The following MVB12B variants were observed in gnomAD, a reference collection of about 807,000 sequenced individuals.
The protein encoded by MVB12B is ESCRT-I complex subunit MVB12B.
A neutral mutation model predicts 41.6 loss-of-function variants in MVB12B; 16 were observed. That is an observed-to-expected ratio of 0.38 (90% confidence interval 0.26 to 0.58). The LOEUF (loss-of-function observed/expected upper bound fraction) is 0.58, where lower values mean the gene tolerates loss of function less well. MVB12B is among the 20% of genes least tolerant of loss of function. The pLI, the probability that MVB12B is intolerant of heterozygous loss-of-function variation, is 0.62. For synonymous variants in MVB12B, 133 were observed against 139.7 expected (o/e 0.95, Z 0.34); for missense variants, 274 against 380.2 (o/e 0.72, Z 2.32).
intron 2 of MVB12B, among the ~76,000 whole-genome samples, chr9:126,370,158 T>C (rs1001752811): frequency 6.6e-6 from 1 of 152,188 alleles, no homozygotes; most frequent in African/African-American, 2.4e-5. Flanking sequence ...TTTGTCTTTA[T>C]GCTAAGGATT....
At chr9:126,427,449 G>A (rs185033256) in intron 7 of MVB12B, among the ~76,000 whole-genome samples, 1 of 152,232 alleles carries the variant, frequency 6.6e-6, no homozygotes, top group East Asian at 1.9e-4. Flanking sequence ...GGAGAGCACA[G>A]TGCGGCTTTT....
intron 7 of MVB12B, among the ~76,000 whole-genome samples, chr9:126,424,405 G>A (rs1832112219): frequency 6.6e-6 from 1 of 152,130 alleles, no homozygotes; most frequent in Admixed American, 6.6e-5. Context: ...TCATGATGTG[G>A]TCATGGAAGG....
chr9:126,447,027 C>T (rs1832789491), intron 7 of MVB12B, among the ~76,000 whole-genome samples: 2 of 149,550 alleles, frequency 1.3e-5, no homozygotes, highest in African/African-American at 4.9e-5. Context: ...TCACTGCAAC[C>T]GCCGCCTCCC....
At chr9:126,497,406 T>C (rs1833860366) in intron 9 of MVB12B, among the ~76,000 whole-genome samples, 1 of 151,984 alleles carries the variant, frequency 6.6e-6, no homozygotes, top group African/African-American at 2.4e-5. Context: ...CGCCCCGCAG[T>C]GTGGTCATTG....
intron 7 of MVB12B, among the ~76,000 whole-genome samples, chr9:126,434,985 G>T (rs1343235120): frequency 6.6e-6 from 1 of 152,160 alleles, no homozygotes; most frequent in Non-Finnish European, 1.5e-5. Flanking sequence ...CGTTGATTCT[G>T]AGAGGACCTG....
chr9:126,416,506 G>A (rs555712706), intron 6 of MVB12B, among the ~76,000 whole-genome samples: 19 of 152,318 alleles, frequency 1.2e-4, no homozygotes, highest in Admixed American at 4.6e-4. Context: ...GCTAGTGAGC[G>A]GCAGAGATGT....
chr9:126,445,138 G>A (rs1373247359), intron 7 of MVB12B, among the ~76,000 whole-genome samples: 1 of 152,080 alleles, frequency 6.6e-6, no homozygotes, highest in Non-Finnish European at 1.5e-5. Flanking sequence ...TCAATTTGGG[G>A]AGAGTGGTCA....
chr9:126,337,054 G>A (rs1829304610), intron 1 of MVB12B, among the ~76,000 whole-genome samples: 2 of 152,198 alleles, frequency 1.3e-5, no homozygotes, highest in South Asian at 2.1e-4. Context: ...CTATAGTTCT[G>A]AAAAATTTCA....
chr9:126,483,898 T>C (rs2286886), intron 8 of MVB12B, 75 bp from the exon 9 acceptor site: 662,880 of 1,479,746 alleles, frequency 0.45, 152,546 homozygotes, highest in East Asian at 0.71. Flanking sequence ...GGTGTTACCA[T>C]TGTCATGCAT....
intron 7 of MVB12B, among the ~76,000 whole-genome samples, chr9:126,440,309 A>G (rs1832599367): frequency 6.6e-6 from 1 of 152,174 alleles, no homozygotes; most frequent in African/African-American, 2.4e-5. Flanking sequence ...AGGTTATTTG[A>G]GAGGCGCTGA....
At position 126,505,504 on chromosome 9, in the gene MVB12B, T is replaced by G. The variant is rs1320020984; in HGVS notation, c.*2241T>G. 6.6e-6 allele frequency: 1 copy of G among 152,078 alleles called. No individual in the cohort carries two copies. Among genetic ancestry groups the G allele is most frequent in the African/African-American group, 2.4e-5 (1 of 41,378 alleles). The allele number at this position is 152,078 out of a possible 1,614,324, so 9.4% of individuals were successfully genotyped here. A position where few individuals can be genotyped will look rare whatever the true frequency, so the allele number is the denominator to read the frequency against. On this transcript the variant is annotated 3_prime_UTR_variant, in exon 10 of 10. Coordinates refer to ENST00000361171, the MANE Select transcript of MVB12B (RefSeq NM_033446.3). ...TAGCATTACGGACTTAGCATAAGAG[T>G]AAATGACTGTGAACGTTGTAGTAAA...
chr9:126,355,657 A>G (rs1829861785), intron 2 of MVB12B, among the ~76,000 whole-genome samples: 2 of 152,218 alleles, frequency 1.3e-5, no homozygotes, highest in African/African-American at 2.4e-5. Context: ...GGGATTTTCC[A>G]GAATGTTTTT....
At chr9:126,420,884 CAT>C (rs998039082) in intron 6 of MVB12B, among the ~76,000 whole-genome samples, 1 of 152,132 alleles carries the variant, frequency 6.6e-6, no homozygotes, top group Admixed American at 6.5e-5. Context: ...CTAGGTCACA[CAT>C]GTGCTGTGTG....
chr9:126,458,518 G>A (rs761749015), intron 7 of MVB12B, among the ~76,000 whole-genome samples: 45 of 152,104 alleles, frequency 3.0e-4, no homozygotes, highest in African/African-American at 9.4e-4. Context: ...TTGGATTCAC[G>A]TGATATTCTT....
At chr9:126,400,412 C>G (rs921859539) in intron 6 of MVB12B, among the ~76,000 whole-genome samples, 6 of 152,134 alleles carry the variant, frequency 3.9e-5, no homozygotes, top group Admixed American at 3.9e-4. Flanking sequence ...AGGGGTGATG[C>G]GCTCCCAGAT....
intron 9 of MVB12B, among the ~76,000 whole-genome samples, chr9:126,489,230 C>T (rs1028228528): frequency 4.6e-5 from 7 of 152,218 alleles, no homozygotes; most frequent in African/African-American, 1.7e-4. Flanking sequence ...GACACAGCCT[C>T]CCAGTGTGGA....
chr9:126,367,771 G>A lies in MVB12B; in HGVS notation c.205-13293G>A, dbSNP rs1291520544. The stretch of plus-strand genomic sequence containing the variant: ...TATTGCAGTCTTGTTTTACAAGTAA[G>A]AAAGCAAAGCCTCTGAGAGCTCAAG... On this transcript the variant is annotated intron_variant, in intron 2 of 9. Transcript: ENST00000361171. The surrounding 1 kb of genome is among the most constrained non-coding windows in gnomAD (Gnocchi z 4.3). Among the ~76,000 whole-genome samples, 1 of 152,172 alleles carries A rather than the reference G, an allele frequency of 6.6e-6. No homozygotes were observed. The highest frequency in any genetic ancestry group is 2.4e-5 in the African/African-American group (1 of 41,438).
At chr9:126,335,265 A>G in intron 1 of MVB12B, 1 of 1,260,448 alleles carries the variant, frequency 7.9e-7, no homozygotes, top group South Asian at 1.3e-5. Flanking sequence ...CAAAGTTCAG[A>G]AGGTGTCAGG....
rs1447973304 is a variant in MVB12B, at chr9:126,440,252, C to T, written c.757+18304C>T. On this transcript the variant is annotated intron_variant, in intron 7 of 9. Coordinates refer to ENST00000361171, the MANE Select transcript of MVB12B (RefSeq NM_033446.3). The stretch of plus-strand genomic sequence containing the variant: ...CCTGAGTACTGTCTTTTTTCTCCCC[C>T]AAACTGTGCACAGGACATGTGCTAA... Among the ~76,000 whole-genome samples, 3 of 152,182 alleles carry T rather than the reference C, an allele frequency of 2.0e-5. No homozygotes were observed. In the East Asian group the frequency reaches 5.8e-4, roughly 29 times the overall value.
Sources: gnomAD v4.1 joint callset for allele counts (sites outside exome capture counted in the v4.1 genomes callset) on GRCh38, gnomAD v4.1.1 for gene constraint, Gnocchi (gnomAD v3.1) non-coding constraint, MANE v1.5 for transcripts, NCBI Gene and HGNC (gene_info 2026-07-23, HGNC 2026-07-21) for gene names.